ZNG1E: variants seen among roughly 807,000 people sequenced by gnomAD.
The protein encoded by ZNG1E is Zn regulated GTPase metalloprotein activator 1E.
the ZNG1E span, among the ~76,000 whole-genome samples, chr9:65,662,436 C>T: frequency 3.7e-3 from 559 of 150,158 alleles, no homozygotes; most frequent in East Asian, 0.014. Context: ...AGCGTATCGA[C>T]GCTCATTACC....
the ZNG1E span, among the ~76,000 whole-genome samples, chr9:65,662,429 G>C: frequency 2.1e-5 from 3 of 144,950 alleles, no homozygotes; most frequent in African/African-American, 7.7e-5. Flanking sequence ...GAATGGTAGC[G>C]TATCGACGCT....
At chr9:65,661,833 T>C in the ZNG1E span, among the ~76,000 whole-genome samples, 3 of 152,230 alleles carry the variant, frequency 2.0e-5, no homozygotes, top group Non-Finnish European at 4.4e-5. Context: ...ATTGGGATGA[T>C]TGTGGCACAA....
chr9:65,707,080 G>T, the ZNG1E span: 1 of 96,168 alleles, frequency 1.0e-5, no homozygotes. Context: ...GTGCGATCTC[G>T]GCTCACTGAA....
the ZNG1E span, among the ~76,000 whole-genome samples, chr9:65,722,665 G>A: frequency 5.2e-4 from 44 of 85,092 alleles, no homozygotes; most frequent in Non-Finnish European, 9.2e-4. Flanking sequence ...TGAGTAGCTG[G>A]GATTACAGGC....
At chr9:65,684,787 C>G in the ZNG1E span, among the ~76,000 whole-genome samples, 1 of 152,222 alleles carries the variant, frequency 6.6e-6, no homozygotes, top group Non-Finnish European at 1.5e-5. Context: ...TTATACTGTA[C>G]AGCCATACTG....
chr9:65,714,576 TTC>T, the ZNG1E span, among the ~76,000 whole-genome samples: 31 of 151,998 alleles, frequency 2.0e-4, no homozygotes, highest in African/African-American at 7.3e-4. Flanking sequence ...TGGATGTCCT[TTC>T]TGTTTGTTAG....
At chr9:65,680,865 T>C in the ZNG1E span, among the ~76,000 whole-genome samples, 1 of 152,118 alleles carries the variant, frequency 6.6e-6, no homozygotes, top group Non-Finnish European at 1.5e-5. Context: ...CTCGGGTCAC[T>C]GCAACCTCCG....
the ZNG1E span, among the ~76,000 whole-genome samples, chr9:65,671,738 A>AG: frequency 6.7e-6 from 1 of 150,120 alleles, no homozygotes; most frequent in African/African-American, 2.4e-5. Flanking sequence ...AGAAAAAAAA[A>AG]AACTCGTCTA....
the ZNG1E span, among the ~76,000 whole-genome samples, chr9:65,709,409 A>G: frequency 6.8e-6 from 1 of 147,424 alleles, no homozygotes; most frequent in Non-Finnish European, 1.5e-5. Context: ...TGTGCAGGTT[A>G]GTTACATATG....
the ZNG1E span, among the ~76,000 whole-genome samples, chr9:65,675,192 G>A: frequency 2.0e-5 from 3 of 152,390 alleles, no homozygotes; most frequent in South Asian, 2.1e-4. Flanking sequence ...ACATAGGTAC[G>A]TGTAACTTAC....
chr9:65,709,258 C>T, the ZNG1E span, among the ~76,000 whole-genome samples: 1 of 149,162 alleles, frequency 6.7e-6, no homozygotes, highest in South Asian at 2.1e-4. Flanking sequence ...GCATGAAATA[C>T]ATGGAAAATT....
At chr9:65,710,595 C>G in the ZNG1E span, among the ~76,000 whole-genome samples, 7 of 152,210 alleles carry the variant, frequency 4.6e-5, no homozygotes, top group African/African-American at 1.7e-4. Flanking sequence ...TTCCCAGAAC[C>G]ATTTATTAAA....
the ZNG1E span, among the ~76,000 whole-genome samples, chr9:65,705,205 A>C: frequency 1.3e-4 from 19 of 146,052 alleles, no homozygotes; most frequent in Middle Eastern, 3.5e-3. Flanking sequence ...GTAGGAGTAA[A>C]AGGTTAGAAG....
chr9:65,676,613 G>A, the ZNG1E span, among the ~76,000 whole-genome samples: 1 of 151,490 alleles, frequency 6.6e-6, no homozygotes, highest in South Asian at 2.1e-4. Context: ...CCAGCCAGTT[G>A]GCAGGAAGTG....
At chr9:65,661,892 G>A in the ZNG1E span, among the ~76,000 whole-genome samples, 5 of 152,108 alleles carry the variant, frequency 3.3e-5, no homozygotes, top group Middle Eastern at 6.8e-3. Flanking sequence ...TAAATGAGTG[G>A]CTAAGTTGTG....
chr9:65,704,300 A>T, the ZNG1E span: 1 of 28,862 alleles, frequency 3.5e-5, no homozygotes, highest in South Asian at 1.8e-3. Context: ...GACATTTCTA[A>T]CTTTTATTTC....
the ZNG1E span, chr9:65,693,267 T>G: frequency 2.2e-6 from 1 of 462,142 alleles, no homozygotes; most frequent in Non-Finnish European, 4.0e-6. Flanking sequence ...TGAATGTTTT[T>G]GTTAACTTCT....
the ZNG1E span, among the ~76,000 whole-genome samples, chr9:65,671,460 C>G: frequency 2.0e-5 from 3 of 151,942 alleles, no homozygotes; most frequent in African/African-American, 4.8e-5. Context: ...GCTGGGACTA[C>G]AGGCGTGTGC....
chr9:65,680,386 ATCT>A, the ZNG1E span, among the ~76,000 whole-genome samples: 4 of 152,186 alleles, frequency 2.6e-5, no homozygotes, highest in Admixed American at 6.6e-5. Context: ...TTTTTTCATC[ATCT>A]TATTAAATAA....
Sources: allele counts gnomAD v4.1 joint callset (sites outside exome capture counted in the v4.1 genomes callset), GRCh38; gene constraint gnomAD v4.1.1; transcripts MANE v1.5; gene names NCBI Gene and HGNC (gene_info 2026-07-23, HGNC 2026-07-21).